FAAH2: variants seen among roughly 807,000 people sequenced by gnomAD.
FAAH2 encodes fatty acid amide hydrolase 2, also known as fatty-acid amide hydrolase 2.
A neutral mutation model predicts 36.9 loss-of-function variants in FAAH2; 60 were observed. The observed-to-expected ratio is 1.63, with a 90% CI of 1.32 to 2.02. FAAH2 has a LOEUF of 2.02. Among genes scored for constraint, FAAH2 ranks in the 30% most tolerant of loss-of-function variants. The probability of loss-of-function intolerance (pLI) is 0.00; values close to 1 mark genes in which losing one functional copy is unlikely to be tolerated. For synonymous variants in FAAH2, 214 were observed against 143.8 expected, an observed-to-expected ratio of 1.49 and a Z score of -3.49; for missense variants, 689 against 397.5, an observed-to-expected ratio of 1.73 and a Z score of -6.23.
chrX:57,399,563 C>T (rs754577338), intron 7 of FAAH2, among the ~76,000 whole-genome samples: 7 of 111,524 alleles, frequency 6.3e-5, no homozygotes, highest in African/African-American at 2.3e-4. Context: ...AGGGTCCTGC[C>T]TTGTGGCTCT....
intron 10 of FAAH2, among the ~76,000 whole-genome samples, chrX:57,455,180 G>T (rs1457119809): frequency 1.8e-5 from 2 of 111,443 alleles, no homozygotes; most frequent in African/African-American, 3.3e-5. Flanking sequence ...TTTCAACCAA[G>T]AATATCATAT....
the FAAH2 span, among the ~76,000 whole-genome samples, chrX:57,233,477 C>A: frequency 9.1e-6 from 1 of 110,382 alleles, no homozygotes; most frequent in East Asian, 2.8e-4. Context: ...TAAAGGAAGG[C>A]TTAATAGAAA....
In FAAH2 at chrX:57,344,123, CT is replaced by C. The variant is rs200254063; in HGVS notation, c.742+2746del. ...TGGTTCCATATGAGTTTTAGAATAG[CT>C]TTTTTTTTTTTTAAATTCTGTGAAA... is the stretch of plus-strand genomic sequence containing the variant. On this transcript the variant is annotated intron_variant, in intron 5 of 10. Coordinates refer to ENST00000374900, the MANE Select transcript of FAAH2 (RefSeq NM_174912.4). 6.1e-3 allele frequency among the ~76,000 whole-genome samples: 614 copies of C among 101,118 alleles called. 1 individual carries two copies. The highest frequency in any genetic ancestry group is 9.8e-3 in the Middle Eastern group (2 of 205). The allele number at this position is 101,118 out of a possible 115,157, so 87.8% of individuals were successfully genotyped here. A position where few individuals can be genotyped will look rare whatever the true frequency, so the allele number is the denominator to read the frequency against.
upstream of FAAH2, chrX:57,286,577 T>C: frequency 3.6e-6 from 1 of 280,956 alleles, no homozygotes; most frequent in East Asian, 5.3e-5. Context: ...ACGCATTTTC[T>C]GTCTTGGGTT....
At chrX:57,299,155 A>G (rs1025041613) in intron 2 of FAAH2, among the ~76,000 whole-genome samples, 11 of 111,838 alleles carry the variant, frequency 9.8e-5, no homozygotes, top group African/African-American at 3.6e-4. Flanking sequence ...CAACAAAAAA[A>G]AGAGAATTTT....
intron 10 of FAAH2, among the ~76,000 whole-genome samples, chrX:57,474,102 C>A (rs2057219265): frequency 8.9e-6 from 1 of 111,884 alleles, no homozygotes; most frequent in South Asian, 3.6e-4. Context: ...GAACTTTGTA[C>A]TTATGTGTCT....
the FAAH2 span, among the ~76,000 whole-genome samples, chrX:57,247,613 T>A: frequency 2.7e-5 from 3 of 111,868 alleles, no homozygotes; most frequent in Non-Finnish European, 5.6e-5. Flanking sequence ...TACCATTCTG[T>A]ACAATGTGGT....
chrX:57,403,943 TA>T (rs982993623), intron 7 of FAAH2, among the ~76,000 whole-genome samples: 27 of 113,033 alleles, frequency 2.4e-4, no homozygotes, highest in African/African-American at 8.7e-4. Context: ...TTTAAGTTAG[TA>T]AGCTACCTTT....
intron 10 of FAAH2, among the ~76,000 whole-genome samples, chrX:57,487,721 A>G (rs1458901123): frequency 8.9e-6 from 1 of 112,218 alleles, no homozygotes; most frequent in Non-Finnish European, 1.9e-5. Flanking sequence ...GCATTTTCTT[A>G]AAATGTTAAA....
At chrX:57,159,243 C>T in the FAAH2 span, among the ~76,000 whole-genome samples, 1 of 111,621 alleles carries the variant, frequency 9.0e-6, no homozygotes, top group African/African-American at 3.3e-5. Flanking sequence ...GTTACTGTAG[C>T]CTTGTAGTAT....
At chrX:57,483,019 G>A in intron 10 of FAAH2, among the ~76,000 whole-genome samples, 1 of 110,358 alleles carries the variant, frequency 9.1e-6, no homozygotes, top group East Asian at 2.8e-4. Context: ...ATATCTCACA[G>A]GTGTTCTCTG....
chrX:57,172,133 A>G, the FAAH2 span, among the ~76,000 whole-genome samples: 2 of 111,948 alleles, frequency 1.8e-5, no homozygotes, highest in Non-Finnish European at 3.8e-5. Flanking sequence ...TAGCAGTACC[A>G]TGCTGTTTTG....
chrX:57,342,801 G>C, intron 5 of FAAH2, among the ~76,000 whole-genome samples: 1 of 110,775 alleles, frequency 9.0e-6, no homozygotes, highest in Non-Finnish European at 1.9e-5. Context: ...GTAGGCTCTG[G>C]TTTCTCTTGT....
intron 3 of FAAH2, among the ~76,000 whole-genome samples, chrX:57,311,465 G>A (rs142596109): frequency 2.4e-3 from 267 of 112,111 alleles, no homozygotes; most frequent in Middle Eastern, 9.2e-3. Context: ...GTATGAGCTG[G>A]CAGGAAGATC....
chrX:57,184,434 C>T, the FAAH2 span, among the ~76,000 whole-genome samples: 1 of 112,210 alleles, frequency 8.9e-6, no homozygotes, highest in Non-Finnish European at 1.9e-5. Flanking sequence ...CTGTAAAATT[C>T]CTCTCTTTGT....
chrX:57,339,679 G>A (rs1034623703), intron 4 of FAAH2, among the ~76,000 whole-genome samples: 1 of 112,097 alleles, frequency 8.9e-6, no homozygotes, highest in South Asian at 3.7e-4. Context: ...TTAGAGAAAC[G>A]CACATCAAAC....
intron 7 of FAAH2, chrX:57,393,517 T>C: frequency 2.1e-6 from 2 of 960,802 alleles, no homozygotes; most frequent in South Asian, 3.9e-5. Context: ...AATTGCCGTG[T>C]GCGATGATGG....
chrX:57,158,535 C>T, the FAAH2 span, among the ~76,000 whole-genome samples: 3 of 111,955 alleles, frequency 2.7e-5, no homozygotes, highest in African/African-American at 6.5e-5. Context: ...TTAATGATCA[C>T]CATTCTAACT....
intron 7 of FAAH2, among the ~76,000 whole-genome samples, chrX:57,430,316 ACTT>A (rs2056265115): frequency 9.0e-6 from 1 of 111,179 alleles, no homozygotes; most frequent in Non-Finnish European, 1.9e-5. Flanking sequence ...ATTCTCCAAA[ACTT>A]CTGATTATTT....
Sources: gnomAD v4.1 joint callset for allele counts (sites outside exome capture counted in the v4.1 genomes callset) on GRCh38, gnomAD v4.1.1 for gene constraint, MANE v1.5 for transcripts, NCBI Gene and HGNC (gene_info 2026-07-23, HGNC 2026-07-21) for gene names.